Variants in QNG1 observed in about 807,000 individuals in gnomAD.
The protein encoded by QNG1 is Q-nucleotide N-glycosylase 1.
the QNG1 span, among the ~76,000 whole-genome samples, chr9:83,953,073 A>G: frequency 6.6e-6 from 1 of 151,898 alleles, no homozygotes; most frequent in South Asian, 2.1e-4. Flanking sequence ...GTTCAAGACC[A>G]GCCTGGCCAA....
chr9:83,948,550 A>G, the QNG1 span, among the ~76,000 whole-genome samples: 11 of 148,944 alleles, frequency 7.4e-5, no homozygotes, highest in Admixed American at 2.0e-4. Context: ...CCGTCTGGGA[A>G]GTGAGGAGCC....
chr9:83,941,469 C>T, the QNG1 span, among the ~76,000 whole-genome samples: 1 of 152,002 alleles, frequency 6.6e-6, no homozygotes, highest in Non-Finnish European at 1.5e-5. Flanking sequence ...CTAGTAGCCC[C>T]AGCTACTCAG....
At chr9:83,939,155 C>A in the QNG1 span, 1 of 229,714 alleles carries the variant, frequency 4.4e-6, no homozygotes, top group Non-Finnish European at 8.7e-6. Flanking sequence ...CTCACTGCAA[C>A]CTCCACCTTC....
At chr9:83,954,848 C>A in the QNG1 span, among the ~76,000 whole-genome samples, 1 of 131,346 alleles carries the variant, frequency 7.6e-6, no homozygotes, top group Non-Finnish European at 1.6e-5. Context: ...CCACTGCACT[C>A]TAGCCTGGGT....
chr9:83,955,463 CG>C, the QNG1 span: 1 of 1,614,154 alleles, frequency 6.2e-7, no homozygotes, highest in Non-Finnish European at 8.5e-7. Flanking sequence ...CTCACTTTCT[CG>C]GACGCAGTTG....
chr9:83,947,272 G>A, the QNG1 span, among the ~76,000 whole-genome samples: 1 of 151,952 alleles, frequency 6.6e-6, no homozygotes, highest in Non-Finnish European at 1.5e-5. Flanking sequence ...ACTTGTAAAT[G>A]ACATAAACAA....
At chr9:83,948,010 CCCA>C in the QNG1 span, among the ~76,000 whole-genome samples, 4 of 151,216 alleles carry the variant, frequency 2.6e-5, no homozygotes, top group South Asian at 4.2e-4. Context: ...TGCCCGGCCG[CCCA>C]GTCTGGGAAG....
chr9:83,945,082 G>A, the QNG1 span: 1 of 1,002,098 alleles, frequency 1.0e-6, no homozygotes, highest in South Asian at 1.8e-5. Context: ...TTTTTTAAAA[G>A]GCAGAATAAT....
the QNG1 span, chr9:83,939,736 C>A: frequency 1.2e-6 from 2 of 1,612,890 alleles, no homozygotes; most frequent in African/African-American, 1.3e-5. Context: ...CATATGAGAG[C>A]ATTTCTCCTG....
the QNG1 span, among the ~76,000 whole-genome samples, chr9:83,952,994 C>A: frequency 2.7e-5 from 4 of 149,928 alleles, no homozygotes. Context: ...ATTGGCTGGG[C>A]ATGGTGGCTC....
At chr9:83,944,751 C>T in the QNG1 span, 363 of 1,454,460 alleles carry the variant, frequency 2.5e-4, 2 homozygotes, top group Middle Eastern at 5.4e-4. Context: ...AACCGAGATC[C>T]AACAATTCAT....
chr9:83,949,386 G>A, the QNG1 span, among the ~76,000 whole-genome samples: 1 of 152,190 alleles, frequency 6.6e-6, no homozygotes, highest in Admixed American at 6.5e-5. Flanking sequence ...GCTCATGCCT[G>A]TAATCCCAGC....
chr9:83,947,836 G>A, the QNG1 span, among the ~76,000 whole-genome samples: 1 of 152,220 alleles, frequency 6.6e-6, no homozygotes, highest in East Asian at 1.9e-4. Context: ...CCAGGCTAGA[G>A]TGCAGTAGCG....
the QNG1 span, among the ~76,000 whole-genome samples, chr9:83,951,269 C>A: frequency 1.3e-5 from 2 of 151,422 alleles, no homozygotes; most frequent in African/African-American, 4.9e-5. Context: ...AAACAAAAAA[C>A]AAAAAACAAA....
At chr9:83,945,761 C>T in the QNG1 span, among the ~76,000 whole-genome samples, 6 of 148,834 alleles carry the variant, frequency 4.0e-5, no homozygotes, top group South Asian at 4.2e-4. Context: ...TCACCACGCC[C>T]GGCTAATTTT....
At chr9:83,941,048 G>T in the QNG1 span, among the ~76,000 whole-genome samples, 1 of 152,172 alleles carries the variant, frequency 6.6e-6, no homozygotes, top group African/African-American at 2.4e-5. Context: ...TCAGCCAACA[G>T]AGTGGCCACG....
At chr9:83,939,057 TTTGTTGTTG>T in the QNG1 span, 66 of 171,582 alleles carry the variant, frequency 3.8e-4, 1 homozygote, top group Middle Eastern at 5.9e-3. Context: ...CCTAGGAAGT[TTTGTTGTTG>T]TTGTTGTTGT....
chr9:83,944,370 A>T, the QNG1 span, among the ~76,000 whole-genome samples: 1 of 152,344 alleles, frequency 6.6e-6, no homozygotes, highest in African/African-American at 2.4e-5. Context: ...GAAGTGAGTG[A>T]CTTGTGCAAG....
chr9:83,948,200 C>T, the QNG1 span, among the ~76,000 whole-genome samples: 1 of 150,870 alleles, frequency 6.6e-6, no homozygotes, highest in Non-Finnish European at 1.5e-5. Flanking sequence ...CTCTGCCCGA[C>T]CGCCACCCCG....
Sources: gnomAD v4.1 joint callset for allele counts (sites outside exome capture counted in the v4.1 genomes callset) on GRCh38, gnomAD v4.1.1 for gene constraint, MANE v1.5 for transcripts, NCBI Gene and HGNC (gene_info 2026-07-23, HGNC 2026-07-21) for gene names.